The following FILIP1L variants were observed in gnomAD, a reference collection of about 807,000 sequenced individuals.
FILIP1L encodes the protein filamin A interacting protein 1 like.
FILIP1L carries 55 observed loss-of-function variants against 96.6 expected under a neutral mutation model. That is an observed-to-expected ratio of 0.57 (90% CI 0.46 to 0.71). FILIP1L has a LOEUF of 0.71. FILIP1L is among the 30% of genes least tolerant of loss of function. The pLI, the probability that FILIP1L is intolerant of heterozygous loss-of-function variation, is 0.00. For missense variants in FILIP1L, 1,304 were observed against 1,321.2 expected (o/e 0.99, Z 0.20); for synonymous variants, 467 against 473.9 (o/e 0.99, Z 0.19).
intron 4 of FILIP1L, among the ~76,000 whole-genome samples, chr3:99,887,678 A>C (rs1167659742): frequency 6.6e-6 from 1 of 152,210 alleles, no homozygotes; most frequent in African/African-American, 2.4e-5. Flanking sequence ...ATATAAGTAC[A>C]ATATATTTAT....
intron 4 of FILIP1L, among the ~76,000 whole-genome samples, chr3:99,892,451 A>G (rs1354547349): frequency 2.6e-5 from 4 of 152,224 alleles, no homozygotes; most frequent in Non-Finnish European, 5.9e-5. Context: ...CATTGGCTCA[A>G]ACAATAGTGA....
At chr3:100,014,366 G>T (rs1710256744) in intron 1 of FILIP1L, among the ~76,000 whole-genome samples, 1 of 151,992 alleles carries the variant, frequency 6.6e-6, no homozygotes, top group South Asian at 2.1e-4. Context: ...CCAAAAATGG[G>T]ATTGTTGCAT....
intron 5 of FILIP1L, among the ~76,000 whole-genome samples, chr3:99,847,277 T>TA (rs998183985): frequency 1.3e-5 from 2 of 150,318 alleles, no homozygotes; most frequent in Non-Finnish European, 3.0e-5. Context: ...ACAGGGTAGG[T>TA]AGCACCTACA....
At chr3:100,099,574 A>G (rs1028510735) in intron 1 of FILIP1L, among the ~76,000 whole-genome samples, 1 of 152,144 alleles carries the variant, frequency 6.6e-6, no homozygotes, top group Non-Finnish European at 1.5e-5. Flanking sequence ...TCTGAGCCTC[A>G]TTTCCCTGTT....
At chr3:99,942,149 C>T (rs1707869389) in intron 1 of FILIP1L, among the ~76,000 whole-genome samples, 1 of 151,624 alleles carries the variant, frequency 6.6e-6, no homozygotes, top group Non-Finnish European at 1.5e-5. Context: ...TTGTAGTGAG[C>T]CGAGATCGTG....
At position 100,047,500 on chromosome 3, in the gene FILIP1L, C is replaced by T. The variant is rs184554545; in HGVS notation, c.-11+66553G>A. On this transcript the variant is annotated intron_variant, in intron 1 of 5. Transcript: ENST00000477258. ...AGAATACCATTATTATTCATAACCT[C>T]TGAAACCAGCGAGGGTCATAAAGCT... Among the ~76,000 whole-genome samples, 9 of 152,300 alleles carry T rather than the reference C, an allele frequency of 5.9e-5. No individual in the cohort carries two copies. The East Asian group carries it at 1.7e-3, about 29-fold the overall frequency.
intron 1 of FILIP1L, among the ~76,000 whole-genome samples, chr3:99,936,476 A>C (rs112715222): frequency 7.8e-5 from 9 of 115,316 alleles, no homozygotes; most frequent in South Asian, 2.9e-4. Context: ...CCTGGGTTCA[A>C]GCAATTCTCC....
chr3:99,839,906 T>TTTTA (rs2107502486), intron 5 of FILIP1L, among the ~76,000 whole-genome samples: 1 of 152,306 alleles, frequency 6.6e-6, no homozygotes, highest in Non-Finnish European at 1.5e-5. Context: ...TCCCACAGTG[T>TTTTA]TATATAAGAG....
intron 1 of FILIP1L, among the ~76,000 whole-genome samples, chr3:99,993,129 C>A (rs1039707830): frequency 6.6e-6 from 1 of 151,894 alleles, no homozygotes; most frequent in Non-Finnish European, 1.5e-5. Context: ...CTTAGGATTT[C>A]TTTGGCTATT....
At chr3:100,019,299 G>A (rs2064761938) in intron 1 of FILIP1L, among the ~76,000 whole-genome samples, 1 of 152,148 alleles carries the variant, frequency 6.6e-6, no homozygotes, top group Non-Finnish European at 1.5e-5. Context: ...GACTGAGGCT[G>A]CAGTAAGCTA....
intron 1 of FILIP1L, among the ~76,000 whole-genome samples, chr3:100,055,795 T>G (rs1446817706): frequency 1.3e-5 from 2 of 152,244 alleles, no homozygotes; most frequent in Non-Finnish European, 2.9e-5. Flanking sequence ...ATTTCAGAAA[T>G]TTTTTAATAT....
At chr3:99,832,560 A>AAAAAG (rs201155810) in intron 5 of FILIP1L, among the ~76,000 whole-genome samples, 1 of 120,808 alleles carries the variant, frequency 8.3e-6, no homozygotes, top group African/African-American at 3.3e-5. Flanking sequence ...AAAAAAAAAA[A>AAAAAG]GGCCTAGCGC....
At chr3:99,950,486 T>G (rs1181995242) in intron 1 of FILIP1L, among the ~76,000 whole-genome samples, 4 of 152,188 alleles carry the variant, frequency 2.6e-5, no homozygotes, top group African/African-American at 9.7e-5. Flanking sequence ...TTTTTTCACT[T>G]CTTTATATTA....
chr3:99,831,529 A>G lies in FILIP1L; in HGVS notation c.3382-924T>C, dbSNP rs975073261. Among the ~76,000 whole-genome samples the G allele has an allele frequency of 3.9e-5, 6 of 152,362 alleles. No homozygotes were observed. The East Asian group carries it at 9.6e-4, about 24-fold the overall frequency. ...TCAGGACATTTCTGTGAACAACCAT[A>G]TTATCCAAGCCATGAGCAGTAGAAG... is the stretch of plus-strand genomic sequence containing the variant. On this transcript the variant is annotated intron_variant, in intron 5 of 5. Transcript: ENST00000477258.
At chr3:100,039,029 TGCATTAATTCA>T (rs2065157457) in intron 1 of FILIP1L, among the ~76,000 whole-genome samples, 1 of 152,248 alleles carries the variant, frequency 6.6e-6, no homozygotes, top group African/African-American at 2.4e-5. Flanking sequence ...ACAATAATTT[TGCATTAATTCA>T]GCAATAACAG....
chr3:100,104,003 C>T (rs1408497227), intron 1 of FILIP1L, among the ~76,000 whole-genome samples: 2 of 152,194 alleles, frequency 1.3e-5, no homozygotes, highest in Non-Finnish European at 2.9e-5. Context: ...CGTCCTCTTA[C>T]CTTATTTGCT....
intron 1 of FILIP1L, among the ~76,000 whole-genome samples, chr3:100,086,559 A>C (rs958218643): frequency 3.9e-5 from 6 of 152,196 alleles, no homozygotes; most frequent in African/African-American, 1.4e-4. Flanking sequence ...CCTTTTTAAG[A>C]AAAATTAAAC....
At chr3:100,074,675 A>ATTTTTTTTTTTTT (rs555819875) in intron 1 of FILIP1L, among the ~76,000 whole-genome samples, 1,138 of 34,776 alleles carry the variant, frequency 0.033, 432 homozygotes, top group East Asian at 0.041. Context: ...GCAACATTTG[A>ATTTTTTTTTTTTT]TTTTTTTTTT....
At position 99,830,355 on chromosome 3, in the gene FILIP1L, A is replaced by T. The variant is rs1942629697; in HGVS notation, c.*59T>A. The stretch of plus-strand genomic sequence containing the variant: ...GGTCCTTTGGCCTTTCATAGTGGTA[A>T]TTTTAGCTTTCCACATATTTCTGTA... On this transcript the variant is annotated 3_prime_UTR_variant, in exon 6 of 6. Transcript: ENST00000477258. The T allele has an allele frequency of 2.8e-6, 1 of 363,330 alleles. No homozygotes were observed. Among genetic ancestry groups the T allele is most frequent in the African/African-American group, 2.1e-5 (1 of 47,218 alleles). 22.5% of individuals were successfully genotyped at this position (363,330 alleles called of 1,614,324 possible).
Sources: allele counts gnomAD v4.1 joint callset (sites outside exome capture counted in the v4.1 genomes callset), GRCh38; gene constraint gnomAD v4.1.1; transcripts MANE v1.5; gene names NCBI Gene and HGNC (gene_info 2026-07-23, HGNC 2026-07-21).